Variants in MTCL1 observed in about 807,000 individuals in gnomAD.
MTCL1 encodes the protein microtubule cross-linking factor 1.
A neutral mutation model predicts 141.4 loss-of-function variants in MTCL1; 79 were observed. The observed-to-expected ratio is 0.56, with a 90% CI of 0.47 to 0.67. The LOEUF (loss-of-function observed/expected upper bound fraction) is 0.67. Ranked by LOEUF, MTCL1 falls within the 30% of genes least tolerant of loss-of-function variation. The pLI, the probability that MTCL1 is intolerant of heterozygous loss-of-function variation, is 0.00. For missense variants in MTCL1, 2,177 were observed against 2,113.9 expected, an observed-to-expected ratio of 1.03 and a Z score of -0.59; for synonymous variants, 914 against 875.8, an observed-to-expected ratio of 1.04 and a Z score of -0.77.
chr18:8,774,889 C>T (rs2096499603), intron 4 of MTCL1, among the ~76,000 whole-genome samples: 1 of 152,104 alleles, frequency 6.6e-6, no homozygotes, highest in African/African-American at 2.4e-5. Flanking sequence ...TGACTCCCTG[C>T]CTGTTCTGTG....
intron 4 of MTCL1, among the ~76,000 whole-genome samples, chr18:8,774,920 G>C (rs746542296): frequency 6.6e-6 from 1 of 152,096 alleles, no homozygotes; most frequent in Non-Finnish European, 1.5e-5. Context: ...AGGATGGCAG[G>C]ACTCAGGGCT....
Position 8,830,098 on chromosome 18 carries a change from G to T in MTCL1, c.*18+1134G>T. 2.0e-6 allele frequency: 2 copies of T among 985,316 alleles called. No homozygotes were observed. The highest frequency in any genetic ancestry group is 2.4e-6 in the Non-Finnish European group (2 of 829,988). 61.0% of individuals were successfully genotyped at this position (985,316 alleles called of 1,614,324 possible). A position where few individuals can be genotyped will look rare whatever the true frequency, so the allele number is the denominator to read the frequency against. On this transcript the variant is annotated intron_variant, in intron 16 of 16. Coordinates refer to ENST00000359865, the Ensembl canonical transcript of MTCL1. This position sits in a 1 kb window ranked among gnomAD's most constrained non-coding sequence, Gnocchi z 6.4. Reference sequence around the variant, plus strand: ...ACACTACTTCTATAACAAGGGGAGCGCAGACACAAAACACACAGATTTCCC... The same window carrying T: ...ACACTACTTCTATAACAAGGGGAGCTCAGACACAAAACACACAGATTTCCC...
intron 1 of MTCL1, among the ~76,000 whole-genome samples, chr18:8,708,998 G>A (rs529641978): frequency 2.0e-5 from 3 of 152,268 alleles, no homozygotes; most frequent in African/African-American, 7.2e-5. Context: ...AGTTCAATTC[G>A]GGAAGGAAAC....
At chr18:8,716,447 AT>A (rs2096128682), upstream of MTCL1, among the ~76,000 whole-genome samples, 1 of 152,150 alleles carries the variant, frequency 6.6e-6, no homozygotes, top group Admixed American at 6.5e-5. Context: ...CCGAAGCATC[AT>A]CATCACCCCA....
At chr18:8,815,832 G>A (rs1598785612) in intron 12 of MTCL1, among the ~76,000 whole-genome samples, 1 of 152,030 alleles carries the variant, frequency 6.6e-6, no homozygotes, top group Non-Finnish European at 1.5e-5. Context: ...GAGCATCATA[G>A]ATCTGAAACA....
At chr18:8,825,004 C>T (rs749935168) in exon 15 of MTCL1, 34 of 1,613,138 alleles carry the variant, frequency 2.1e-5, no homozygotes, top group Middle Eastern at 1.6e-4. Flanking sequence ...ACCATGACCA[C>T]GGACACCATG....
At chr18:8,826,263 C>T (rs766080825) in intron 15 of MTCL1, 31 bp downstream of exon 14, 1 of 1,504,626 alleles carries the variant, frequency 6.6e-7, no homozygotes. Context: ...CACACCCTTC[C>T]CCACCAGCTC....
At position 8,731,528 on chromosome 18, in the gene MTCL1, C is replaced by T. The variant is rs551934381; in HGVS notation, c.357+11032C>T. ...GGCAGAGGTTGCAGTGAGCCAAGAT[C>T]GCGTCATCGCACTCCAGCCTGGGGG... On this transcript the variant is annotated intron_variant, in intron 4 of 16. Coordinates refer to ENST00000359865, the Ensembl canonical transcript of MTCL1. Among the ~76,000 whole-genome samples the T allele has an allele frequency of 6.6e-3, 992 of 151,088 alleles. 8 individuals are homozygous for T. The highest frequency in any genetic ancestry group is 0.023 in the African/African-American group (947 of 41,232).
At chr18:8,799,253 C>G (rs374406629) in intron 10 of MTCL1, among the ~76,000 whole-genome samples, 2 of 152,230 alleles carry the variant, frequency 1.3e-5, no homozygotes, top group Non-Finnish European at 1.5e-5. Flanking sequence ...AATGGGAGCA[C>G]GCTGTCGCCA....
At chr18:8,764,869 C>T (rs1425254117) in intron 4 of MTCL1, among the ~76,000 whole-genome samples, 5 of 152,208 alleles carry the variant, frequency 3.3e-5, no homozygotes, top group African/African-American at 4.8e-5. Context: ...AAGGCATTGT[C>T]ATGGAGGCTT....
At chr18:8,786,058 C>T (rs762293612) in exon 7 of MTCL1, 75 of 1,593,430 alleles carry the variant, frequency 4.7e-5, no homozygotes, top group South Asian at 3.8e-4. Flanking sequence ...CCGGGAGCCA[C>T]GGGCTGGGAG....
intron 12 of MTCL1, among the ~76,000 whole-genome samples, chr18:8,814,358 G>A (rs2076583660): frequency 6.6e-6 from 1 of 151,964 alleles, no homozygotes; most frequent in East Asian, 1.9e-4. Flanking sequence ...AACAAAAGAA[G>A]GAAAGTACAC....
intron 7 of MTCL1, among the ~76,000 whole-genome samples, chr18:8,787,785 T>C (rs1354004540): frequency 6.6e-6 from 1 of 152,248 alleles, no homozygotes; most frequent in Non-Finnish European, 1.5e-5. Context: ...AACTCAATTA[T>C]GCTGCAAACA....
chr18:8,759,879 G>A (rs565461410), intron 4 of MTCL1, among the ~76,000 whole-genome samples: 71 of 152,208 alleles, frequency 4.7e-4, no homozygotes, highest in Middle Eastern at 3.4e-3. Context: ...GGAGGGTGGC[G>A]TGGTTTGCGA....
intron 4 of MTCL1, among the ~76,000 whole-genome samples, chr18:8,746,989 C>CA (rs1310429909): frequency 6.6e-6 from 1 of 152,198 alleles, no homozygotes; most frequent in Admixed American, 6.5e-5. Context: ...TCCGTCTCTC[C>CA]ACCCACACTG....
At chr18:8,744,301 C>T (rs1245861942) in intron 4 of MTCL1, among the ~76,000 whole-genome samples, 2 of 152,224 alleles carry the variant, frequency 1.3e-5, no homozygotes, top group African/African-American at 4.8e-5. Flanking sequence ...CTCACATTTG[C>T]CTCCAGTGAC....
At chr18:8,742,312 T>C (rs1384130093) in intron 4 of MTCL1, among the ~76,000 whole-genome samples, 1 of 152,180 alleles carries the variant, frequency 6.6e-6, no homozygotes, top group Non-Finnish European at 1.5e-5. Flanking sequence ...TCTCCCTCTC[T>C]CCCTCTGTAT....
chr18:8,744,036 G>A (rs192383659), intron 4 of MTCL1, among the ~76,000 whole-genome samples: 9 of 152,288 alleles, frequency 5.9e-5, no homozygotes, highest in African/African-American at 1.2e-4. Context: ...ATCCTAGGAC[G>A]GCCCTTTGAA....
intron 4 of MTCL1, among the ~76,000 whole-genome samples, chr18:8,761,855 C>T (rs987311948): frequency 6.6e-6 from 1 of 152,198 alleles, no homozygotes; most frequent in Non-Finnish European, 1.5e-5. Flanking sequence ...CCTCTGGGTC[C>T]CTCCCACAAC....
Sources: allele counts gnomAD v4.1 joint callset (sites outside exome capture counted in the v4.1 genomes callset), GRCh38; gene constraint gnomAD v4.1.1; non-coding constraint Gnocchi (gnomAD v3.1); transcripts MANE v1.5; gene names NCBI Gene and HGNC (gene_info 2026-07-23, HGNC 2026-07-21).